Variants in TTL observed in about 807,000 individuals in gnomAD.
The protein encoded by TTL is tubulin--tyrosine ligase.
A neutral mutation model predicts 41.1 loss-of-function variants in TTL; 10 were observed. That is an observed-to-expected ratio of 0.24 (90% CI 0.15 to 0.41). The LOEUF is 0.41. Among genes scored for constraint, TTL ranks in the 10% least tolerant of loss-of-function variants. The pLI is 1.00. For missense variants in TTL, 367 were observed against 460.4 expected (o/e 0.80, Z 1.86); for synonymous variants, 175 against 175.5 (o/e 1.00, Z 0.02).
intron 3 of TTL, among the ~76,000 whole-genome samples, chr2:112,496,713 T>G (rs1179440338): frequency 6.9e-5 from 10 of 144,704 alleles, no homozygotes; most frequent in Admixed American, 1.4e-4. Flanking sequence ...GTGTGTATTT[T>G]TTTTTTTTTT....
chr2:112,521,471 C>T, intron 6 of TTL: 2 of 585,444 alleles, frequency 3.4e-6, no homozygotes, highest in Non-Finnish European at 4.3e-6. Context: ...TTCCCATCTA[C>T]ATCTTGAAGA....
At chr2:112,510,113 A>C (rs1266902924) in intron 5 of TTL, among the ~76,000 whole-genome samples, 2 of 151,386 alleles carry the variant, frequency 1.3e-5, no homozygotes, top group African/African-American at 4.9e-5. Flanking sequence ...GATATAATTT[A>C]CTCTTTTTCT....
intron 2 of TTL, among the ~76,000 whole-genome samples, chr2:112,493,715 C>G (rs914201101): frequency 1.3e-5 from 2 of 152,148 alleles, no homozygotes; most frequent in Non-Finnish European, 2.9e-5. Flanking sequence ...ATTCAGATTC[C>G]TACGTAGCCT....
In TTL at chr2:112,482,984, GC is replaced by G. The variant is rs1438853864; in HGVS notation, c.157+489del. 1.3e-5 allele frequency among the ~76,000 whole-genome samples: 2 copies of G among 152,344 alleles called. No individual in the cohort carries two copies. The highest frequency in any genetic ancestry group is 6.5e-5 in the Admixed American group (1 of 15,308). The stretch of plus-strand genomic sequence containing the variant: ...AGGTGTTGAAACCCCTGAGGCTTCT[GC>G]CCCCCGAAGGCGCGGAGGAGCGATC... On this transcript the variant is annotated intron_variant, in intron 1 of 6. Coordinates refer to ENST00000233336, the MANE Select transcript of TTL (RefSeq NM_153712.5). This position sits in a 1 kb window ranked among gnomAD's most constrained non-coding sequence, Gnocchi z 5.3.
At position 112,536,149 on chromosome 2, in the gene TTL, C is replaced by G. The variant is rs560338069; in HGVS notation, c.*7354C>G. 6.6e-6 allele frequency: 1 copy of G among 152,320 alleles called. No homozygotes were observed. Among genetic ancestry groups the G allele is most frequent in the East Asian group, 1.9e-4 (1 of 5,182 alleles). The allele number at this position is 152,320 out of a possible 1,614,324, so 9.4% of individuals were successfully genotyped here. A position where few individuals can be genotyped will look rare whatever the true frequency, so the allele number is the denominator to read the frequency against. ...CAATATATTTTCTTTATCCATTCAT[C>G]TGCTGATGGACACTTAGGTCGCTTC... On this transcript the variant is annotated 3_prime_UTR_variant, in exon 7 of 7. Coordinates refer to ENST00000233336, the MANE Select transcript of TTL (RefSeq NM_153712.5).
In TTL at chr2:112,482,220, A is replaced by T; in HGVS notation, c.-125A>T. The stretch of plus-strand genomic sequence containing the variant: ...GCCGCCGGCACCCGAGAGGCGCGGT[A>T]GCCGGCGCGGGCGGCGGGGGCCGGG... On this transcript the variant is annotated 5_prime_UTR_variant, in exon 1 of 7. Transcript: ENST00000233336. The surrounding 1 kb of genome is among the most constrained non-coding windows in gnomAD (Gnocchi z 5.3). 1.7e-6 allele frequency: 1 copy of T among 603,216 alleles called. No individual in the cohort carries two copies. Among genetic ancestry groups the T allele is most frequent in the Non-Finnish European group, 2.1e-6 (1 of 484,950 alleles). The allele number at this position is 603,216 out of a possible 1,614,324, so 37.4% of individuals were successfully genotyped here.
At position 112,535,413 on chromosome 2, in the gene TTL, A is replaced by G. The variant is rs931126635; in HGVS notation, c.*6618A>G. The G allele has an allele frequency of 1.3e-5, 2 of 152,184 alleles. No individual in the cohort carries two copies. Among genetic ancestry groups the G allele is most frequent in the African/African-American group, 4.8e-5 (2 of 41,456 alleles). 9.4% of individuals were successfully genotyped at this position (152,184 alleles called of 1,614,324 possible). On this transcript the variant is annotated 3_prime_UTR_variant, in exon 7 of 7. Transcript: ENST00000233336. ...TATACTGGAAGAAATAGTGGCCAAA[A>G]CCTTTCCCACTTTGAGGAAAAACAT... is the stretch of plus-strand genomic sequence containing the variant.
At chr2:112,493,256 G>T (rs369957898) in intron 2 of TTL, among the ~76,000 whole-genome samples, 11 of 152,144 alleles carry the variant, frequency 7.2e-5, no homozygotes, top group Admixed American at 5.9e-4. Context: ...GGGAAGGCCA[G>T]TGCATGTCTG....
In TTL at chr2:112,529,198, T is replaced by C. The variant is rs572803446; in HGVS notation, c.*403T>C. Reference sequence around the variant, plus strand: ...CTATGGATTGGACGTCAGAGCATATTGGAGGTTGCCTGTGTGTTCCCCACC... The same window carrying C: ...CTATGGATTGGACGTCAGAGCATATCGGAGGTTGCCTGTGTGTTCCCCACC... On this transcript the variant is annotated 3_prime_UTR_variant, in exon 7 of 7. Coordinates refer to ENST00000233336, the MANE Select transcript of TTL (RefSeq NM_153712.5). 21 of 303,840 alleles carry C rather than the reference T, an allele frequency of 6.9e-5. No individual in the cohort carries two copies. Among genetic ancestry groups the C allele is most frequent in the Non-Finnish European group, 1.1e-4 (17 of 160,358 alleles). The allele number at this position is 303,840 out of a possible 1,614,324, so 18.8% of individuals were successfully genotyped here.
At chr2:112,493,363 A>G (rs998407600) in intron 2 of TTL, among the ~76,000 whole-genome samples, 4 of 151,972 alleles carry the variant, frequency 2.6e-5, no homozygotes, top group Non-Finnish European at 5.9e-5. Context: ...GTTAAAAAAA[A>G]AAAAAAGACT....
At chr2:112,500,341 G>C (rs1367252442) in intron 3 of TTL, among the ~76,000 whole-genome samples, 5 of 151,994 alleles carry the variant, frequency 3.3e-5, no homozygotes, top group African/African-American at 1.2e-4. Context: ...GGGAGGCCAA[G>C]GCAGGCAGAT....
At chr2:112,494,094 G>A (rs1051288492) in intron 2 of TTL, 49 bp from the exon 3 acceptor site, 1 of 1,501,858 alleles carries the variant, frequency 6.7e-7, no homozygotes, top group Non-Finnish European at 9.2e-7. Context: ...TGAAGGGAGT[G>A]ACAAAGTGCA....
At chr2:112,526,125 A>C (rs1483895182) in intron 6 of TTL, among the ~76,000 whole-genome samples, 1 of 152,210 alleles carries the variant, frequency 6.6e-6, no homozygotes, top group African/African-American at 2.4e-5. Flanking sequence ...CTTGCATCCC[A>C]GGGATGAAGC....
At position 112,494,223 on chromosome 2, in the gene TTL, A is replaced by G. The variant is rs141830950; in HGVS notation, c.317A>G (p.Lys106Arg). 6.5e-5 allele frequency: 105 copies of G among 1,614,230 alleles called. No homozygotes were observed. The East Asian group carries it at 2.2e-3, about 34-fold the overall frequency. Residue 106 changes from lysine (K) to arginine (R), a missense_variant, in exon 3 of 7, where the codon AAG becomes AGG. Lys to Arg is a conservative substitution (Grantham distance 26). Transcript: ENST00000233336. ...TATGTGATTTATCCAACCAATCTCA[A>G]GACTCCAGTTGCTCCAGCACAGAAT... ...ESYVIYPTNL[K>R]TPVAPAQNGI... is the part of the protein sequence containing the mutation.
intron 1 of TTL, among the ~76,000 whole-genome samples, chr2:112,484,805 C>T (rs1169301907): frequency 6.6e-6 from 1 of 152,124 alleles, no homozygotes; most frequent in Non-Finnish European, 1.5e-5. Context: ...TAATGCCTGC[C>T]TGAAACTTTT....
rs559059055 is a variant in TTL at position 112,527,676 on chromosome 2, C to T, written c.1020-1005C>T. 2.0e-5 allele frequency among the ~76,000 whole-genome samples: 3 copies of T among 152,262 alleles called. No individual in the cohort carries two copies. In the East Asian group the frequency reaches 5.8e-4, roughly 29 times the overall value. ...TTCCATTTGCTTGGTAGATCTTCTTCCATCCCTTTTATTTTGAGCCTATGT... is the reference window on the plus strand; with the variant it reads ...TTCCATTTGCTTGGTAGATCTTCTTTCATCCCTTTTATTTTGAGCCTATGT... On this transcript the variant is annotated intron_variant, in intron 6 of 6. Transcript: ENST00000233336.
At chr2:112,489,304 C>G (rs1402420875) in intron 2 of TTL, among the ~76,000 whole-genome samples, 1 of 152,102 alleles carries the variant, frequency 6.6e-6, no homozygotes, top group Non-Finnish European at 1.5e-5. Flanking sequence ...ATTTAGATTA[C>G]ATAAAAAATG....
chr2:112,484,409 G>C (rs765121100), intron 1 of TTL, among the ~76,000 whole-genome samples: 1 of 151,574 alleles, frequency 6.6e-6, no homozygotes, highest in Non-Finnish European at 1.5e-5. Context: ...GATTACAGGC[G>C]CGCATCACCA....
intron 2 of TTL, among the ~76,000 whole-genome samples, chr2:112,487,519 T>C (rs1275288626): frequency 6.6e-6 from 1 of 152,184 alleles, no homozygotes; most frequent in South Asian, 2.1e-4. Context: ...AGTAAAAAAA[T>C]AATGGTTTCC....
Sources: gnomAD v4.1 joint callset for allele counts (sites outside exome capture counted in the v4.1 genomes callset) on GRCh38, gnomAD v4.1.1 for gene constraint, Gnocchi (gnomAD v3.1) non-coding constraint, MANE v1.5 for transcripts, NCBI Gene and HGNC (gene_info 2026-07-23, HGNC 2026-07-21) for gene names.